Variants in RPS24 observed in about 807,000 individuals in gnomAD.
RPS24 encodes the protein ribosomal protein S24, also known as small ribosomal subunit protein eS24.
For synonymous variants in RPS24, 72 were observed against 55.6 expected (o/e 1.30, Z -1.31); for missense variants, 100 against 162.5 (o/e 0.62, Z 2.09).
chr10:78,040,544 CT>C, intron 5 of RPS24, 70 bp from the exon 6 acceptor site: 1 of 1,113,580 alleles, frequency 9.0e-7, no homozygotes, highest in Non-Finnish European at 1.4e-6. Context: ...AGTGTTACTA[CT>C]TTTGGAATTG....
intron 4 of RPS24, 30 bp downstream of exon 4, chr10:78,037,334 G>A (rs1331029861): frequency 5.1e-6 from 8 of 1,566,014 alleles, no homozygotes; most frequent in Middle Eastern, 3.3e-4. Flanking sequence ...ATATAGAAAC[G>A]TCATTAATTG....
chr10:78,039,971 GT>G, intron 4 of RPS24: 1 of 604,978 alleles, frequency 1.7e-6, no homozygotes, highest in Non-Finnish European at 3.0e-6. Flanking sequence ...CGGCTACCTC[GT>G]TTGCATAAGA....
rs74653472 is a variant in RPS24, at chr10:78,054,951, A to C, written c.811A>C (p.Ile271Leu). 1.1e-3 allele frequency: 1,640 copies of C among 1,491,254 alleles called. 33 individuals are homozygous for C. In the East Asian group the frequency reaches 0.035, roughly 32 times the overall value. 92.4% of individuals were successfully genotyped at this position (1,491,254 alleles called of 1,614,324 possible). ...CAAGTCTTTTGGCCCTTTCTTTGAA[A>C]TCCACCAGGAATCCAGCTGCTTCTC... Residue 271 changes from isoleucine (I) to leucine (L), a missense_variant, in exon 5 of 5, where the codon ATC (isoleucine) becomes CTC (leucine). Physicochemically the swap from Ile to Leu is conservative, Grantham distance 5. Transcript: ENST00000440692.
downstream of RPS24, among the ~76,000 whole-genome samples, chr10:78,043,691 C>G (rs747090078): frequency 6.6e-6 from 1 of 152,204 alleles, no homozygotes; most frequent in Non-Finnish European, 1.5e-5. Context: ...GCTTCTGTTC[C>G]TTTCTGTGAA....
At chr10:78,047,240 A>G (rs1848054602) in intron 4 of RPS24, among the ~76,000 whole-genome samples, 1 of 151,802 alleles carries the variant, frequency 6.6e-6, no homozygotes. Context: ...TGCTGGGATT[A>G]TAGGTGTGAG....
At chr10:78,037,110 A>G in intron 3 of RPS24, 84 bp from the exon 4 acceptor site, 1 of 1,518,060 alleles carries the variant, frequency 6.6e-7, no homozygotes. Flanking sequence ...TCTTAAGCTC[A>G]GACTGGGTCA....
Position 78,045,754 on chromosome 10 carries a change from C to T in RPS24, c.390+8450C>T, listed in dbSNP as rs182985075. On this transcript the variant is annotated intron_variant, in intron 4 of 4. Transcript: ENST00000440692. ...GTGTGGTGGCTTATACCTGTAATCC[C>T]GGCACTTTGGGAGGCTGAGGCGGGT... Among the ~76,000 whole-genome samples, 1,503 of 151,714 alleles carry T rather than the reference C, an allele frequency of 9.9e-3. 30 individuals carry two copies. Among genetic ancestry groups the T allele is most frequent in the African/African-American group, 0.034 (1,389 of 41,360 alleles).
chr10:78,040,830 T>A, downstream of RPS24: 1 of 674,016 alleles, frequency 1.5e-6, no homozygotes, highest in East Asian at 2.7e-5. Flanking sequence ...TGGGGTGGTG[T>A]TTGTTTGCTG....
intron 4 of RPS24, among the ~76,000 whole-genome samples, chr10:78,046,094 G>T (rs1589333738): frequency 6.6e-6 from 1 of 152,030 alleles, no homozygotes; most frequent in East Asian, 1.9e-4. Context: ...AGCTTCCCAG[G>T]TGAGGCTGCT....
chr10:78,037,441 G>GAAGA, intron 4 of RPS24, 137 bp downstream of exon 4: 2 of 1,390,704 alleles, frequency 1.4e-6, no homozygotes, highest in Middle Eastern at 2.4e-4. Context: ...GATTACAGAA[G>GAAGA]GTAACATGTT....
chr10:78,052,783 G>T (rs1202214203), intron 4 of RPS24, among the ~76,000 whole-genome samples: 1 of 152,118 alleles, frequency 6.6e-6, no homozygotes, highest in East Asian at 1.9e-4. Context: ...GTGAAAGAAG[G>T]GTAACATTTG....
At chr10:78,053,697 C>T (rs1329295658) in intron 4 of RPS24, among the ~76,000 whole-genome samples, 2 of 152,142 alleles carry the variant, frequency 1.3e-5, no homozygotes, top group Non-Finnish European at 2.9e-5. Context: ...GTCTGCACCA[C>T]AGCCCCTCTG....
At chr10:78,043,099 G>A (rs775107210), downstream of RPS24, among the ~76,000 whole-genome samples, 2 of 152,116 alleles carry the variant, frequency 1.3e-5, no homozygotes, top group Non-Finnish European at 2.9e-5. Context: ...TGCCTCACGG[G>A]TTCACGCCAT....
downstream of RPS24, among the ~76,000 whole-genome samples, chr10:78,042,556 T>TA (rs1176861394): frequency 6.6e-6 from 1 of 152,238 alleles, no homozygotes; most frequent in Non-Finnish European, 1.5e-5. Context: ...GCCCTCACAG[T>TA]AACCAGGCTA....
rs772902112 is a variant in RPS24, at chr10:78,035,384, C to G, written c.36C>G (p.Phe12Leu). 1.2e-6 allele frequency: 2 copies of G among 1,614,176 alleles called. No homozygotes were observed. Among genetic ancestry groups the G allele is most frequent in the South Asian group, 1.1e-5 (1 of 91,074 alleles). The change falls in exon 2 of 6, where the codon TTC becomes TTG. Residue 12 changes from phenylalanine to leucine, a missense_variant. Physicochemically the swap from Phe to Leu is conservative, Grantham distance 22. Transcript: ENST00000372360. ...CCGTAACTATCCGCACTAGAAAGTT[C>G]ATGACCAACCGACTACTTCAGAGGA... is the stretch of plus-strand genomic sequence containing the variant. ...NDTVTIRTRKFMTNRLLQRKQ... is the reference protein window; with the variant it reads ...NDTVTIRTRKLMTNRLLQRKQ...
chr10:78,045,303 C>T (rs527524198), downstream of RPS24, among the ~76,000 whole-genome samples: 10 of 152,116 alleles, frequency 6.6e-5, no homozygotes, highest in South Asian at 1.0e-3. Flanking sequence ...ATTAATAACT[C>T]GGAAAAAGGG....
At chr10:78,038,002 G>A (rs1216448288) in intron 4 of RPS24, 3 of 1,282,008 alleles carry the variant, frequency 2.3e-6, no homozygotes, top group South Asian at 1.3e-5. Context: ...TTGTAAGCAC[G>A]GTGTGGGGAT....
exon 5 of RPS24, chr10:78,055,759 T>G (rs1466705686): frequency 6.6e-6 from 1 of 152,186 alleles, no homozygotes; most frequent in Non-Finnish European, 1.5e-5. Flanking sequence ...ATGGATATCT[T>G]CTTTTTTTTT....
Position 78,046,032 on chromosome 10 carries a change from A to G in RPS24, c.391-8499A>G, listed in dbSNP as rs549701407. 2.3e-4 allele frequency among the ~76,000 whole-genome samples: 35 copies of G among 152,042 alleles called. No homozygotes were observed. In the East Asian group the frequency reaches 6.2e-3, roughly 27 times the overall value. Reference sequence around the variant, plus strand: ...CAACAAATGCCCAGCCTCTTGCCCCAGTTTTCAGAGTTAGTAGATCTGGGT... The same window carrying G: ...CAACAAATGCCCAGCCTCTTGCCCCGGTTTTCAGAGTTAGTAGATCTGGGT... On this transcript the variant is annotated intron_variant, in intron 4 of 4. Transcript: ENST00000440692.
Sources: allele counts gnomAD v4.1 joint callset (sites outside exome capture counted in the v4.1 genomes callset), GRCh38; gene constraint gnomAD v4.1.1; transcripts MANE v1.5; gene names NCBI Gene and HGNC (gene_info 2026-07-23, HGNC 2026-07-21).